ASAP1: variants seen among roughly 807,000 people sequenced by gnomAD.
ASAP1 encodes the protein arf-GAP with SH3 domain, ANK repeat and PH domain-containing protein 1.
Under a neutral mutation model 145.2 loss-of-function variants are expected in ASAP1, and 43 were observed. The ratio of observed to expected loss-of-function variants is 0.30; its 90% CI spans 0.23 to 0.38. The LOEUF is 0.38. ASAP1 is among the 10% of genes least tolerant of loss of function. ASAP1 has a pLI of 1.00. For synonymous variants in ASAP1, 546 were observed against 515.5 expected (o/e 1.06, Z -0.80); for missense variants, 1,018 against 1,355.3 (o/e 0.75, Z 3.91).
intron 5 of ASAP1, among the ~76,000 whole-genome samples, chr8:130,208,344 C>T (rs1006536591): frequency 6.6e-6 from 1 of 152,138 alleles, no homozygotes; most frequent in East Asian, 1.9e-4. Context: ...GTATAGATAA[C>T]TACAACAATC....
In ASAP1 at chr8:130,081,258, G is replaced by A. The variant is rs192225206; in HGVS notation, c.2573-1287C>T. 3.9e-5 allele frequency among the ~76,000 whole-genome samples: 6 copies of A among 152,284 alleles called. No homozygotes were observed. The East Asian group carries it at 9.7e-4, about 25-fold the overall frequency. On this transcript the variant is annotated intron_variant, in intron 25 of 29. Transcript: ENST00000518721. Reference sequence around the variant, plus strand: ...CAGAGGCACACAGGTGGAGGTAAGTGTGCTATGTCCAGGAGAGGGTCACAA... The same window carrying A: ...CAGAGGCACACAGGTGGAGGTAAGTATGCTATGTCCAGGAGAGGGTCACAA...
chr8:130,099,910 C>T (rs1592797716), intron 24 of ASAP1, among the ~76,000 whole-genome samples: 3 of 152,098 alleles, frequency 2.0e-5, no homozygotes, highest in South Asian at 4.1e-4. Flanking sequence ...CATCCATTCA[C>T]CTGCTGATGG....
At chr8:130,193,302 G>C (rs1815266778) in intron 5 of ASAP1, among the ~76,000 whole-genome samples, 1 of 152,034 alleles carries the variant, frequency 6.6e-6, no homozygotes, top group South Asian at 2.1e-4. Context: ...CTGGGAGGTG[G>C]AGGTTGCAGT....
intron 25 of ASAP1, among the ~76,000 whole-genome samples, chr8:130,081,038 G>A (rs2097478769): frequency 6.6e-6 from 1 of 152,188 alleles, no homozygotes; most frequent in Non-Finnish European, 1.5e-5. Flanking sequence ...TTATGCTCTG[G>A]CCTGTGAGAC....
intron 3 of ASAP1, among the ~76,000 whole-genome samples, chr8:130,244,116 C>T (rs941081204): frequency 2.0e-5 from 3 of 152,146 alleles, no homozygotes; most frequent in African/African-American, 7.2e-5. Context: ...CTGTTGTAAT[C>T]TTCAGATCCA....
At chr8:130,090,993 C>T (rs1000430015) in intron 25 of ASAP1, among the ~76,000 whole-genome samples, 1 of 152,176 alleles carries the variant, frequency 6.6e-6, no homozygotes, top group Admixed American at 6.5e-5. Context: ...CTGTCACGGG[C>T]CAAGACCCTG....
intron 8 of ASAP1, among the ~76,000 whole-genome samples, chr8:130,180,006 AAGAG>A (rs1196517344): frequency 2.1e-5 from 3 of 145,668 alleles, no homozygotes; most frequent in East Asian, 2.1e-4. Flanking sequence ...AGAGGTGAGA[AAGAG>A]AGAGAGAGAA....
intron 3 of ASAP1, among the ~76,000 whole-genome samples, chr8:130,296,668 G>A (rs1269002746): frequency 6.6e-6 from 1 of 151,806 alleles, no homozygotes; most frequent in African/African-American, 2.4e-5. Flanking sequence ...ACAGCTCTGT[G>A]CCACAGAATT....
chr8:130,208,274 T>C (rs896988155), intron 5 of ASAP1, among the ~76,000 whole-genome samples: 17 of 152,200 alleles, frequency 1.1e-4, no homozygotes, highest in African/African-American at 3.9e-4. Flanking sequence ...CCCCCCATTT[T>C]TGCATGCATT....
In ASAP1 at chr8:130,117,078, C is replaced by A. The variant is rs569482946; in HGVS notation, c.1881-83G>T. On this transcript the variant is annotated intron_variant, in intron 20 of 29. Transcript: ENST00000518721. ...GATTAGCCACTTATTTTTGTGCTGA[C>A]AACTGAGTCAAATTTGAGACCTAAT... 2.5e-4 allele frequency: 221 copies of A among 868,852 alleles called. 1 individual carries two copies. The highest frequency in any genetic ancestry group is 3.8e-4 in the Non-Finnish European group (213 of 565,640). The allele number at this position is 868,852 out of a possible 1,614,324, so 53.8% of individuals were successfully genotyped here. A position where few individuals can be genotyped will look rare whatever the true frequency, so the allele number is the denominator to read the frequency against.
chr8:130,068,885 T>C (rs2097435866), intron 27 of ASAP1, among the ~76,000 whole-genome samples: 1 of 152,184 alleles, frequency 6.6e-6, no homozygotes, highest in Admixed American at 6.5e-5. Context: ...AGAGGGCCCC[T>C]TCTACATGGG....
chr8:130,330,453 G>A (rs1824612493), intron 3 of ASAP1, among the ~76,000 whole-genome samples: 1 of 152,186 alleles, frequency 6.6e-6, no homozygotes, highest in African/African-American at 2.4e-5. Context: ...CAGCTAACCT[G>A]GCACCCCACA....
chr8:130,065,165 C>T (rs1324405641), intron 27 of ASAP1, among the ~76,000 whole-genome samples: 1 of 152,102 alleles, frequency 6.6e-6, no homozygotes, highest in African/African-American at 2.4e-5. Context: ...AGGTCTGAGC[C>T]TTCTCAGGGC....
intron 3 of ASAP1, among the ~76,000 whole-genome samples, chr8:130,324,932 G>A (rs1824232931): frequency 1.3e-5 from 2 of 152,102 alleles, no homozygotes; most frequent in Admixed American, 6.6e-5. Flanking sequence ...TCGTAACCCC[G>A]AGCTCTGCAA....
rs764860418 is a variant in ASAP1, at chr8:130,118,157, A to G, written c.1880+4T>C. ...TAATTCAACAGAGAAAACAAAAACG[A>G]TACCAGTTTTGTACAAGGAAGTCAA... On this transcript the variant is annotated splice_donor_region_variant and intron_variant, in intron 20 of 29. Coordinates refer to ENST00000518721, the MANE Select transcript of ASAP1 (RefSeq NM_018482.4). The G allele has an allele frequency of 2.5e-5, 40 of 1,612,558 alleles. No individual in the cohort carries two copies. Among genetic ancestry groups the G allele is most frequent in the Non-Finnish European group, 3.2e-5 (38 of 1,178,842 alleles).
Position 130,202,644 on chromosome 8 carries a change from T to A in ASAP1, c.405+11912A>T, listed in dbSNP as rs145179905. 5.0e-3 allele frequency among the ~76,000 whole-genome samples: 761 copies of A among 152,364 alleles called. 4 individuals are homozygous for A. The highest frequency in any genetic ancestry group is 7.6e-3 in the Non-Finnish European group (514 of 68,036). Reference sequence around the variant, plus strand: ...ACAGCGTTTCATGAATATCTCTTGATAATTTACGGCTCAGATAAAGGGTAC... The same window carrying A: ...ACAGCGTTTCATGAATATCTCTTGAAAATTTACGGCTCAGATAAAGGGTAC... On this transcript the variant is annotated intron_variant, in intron 5 of 29. Transcript: ENST00000518721.
At chr8:130,130,117 A>G (rs576724144) in intron 15 of ASAP1, among the ~76,000 whole-genome samples, 5 of 152,332 alleles carry the variant, frequency 3.3e-5, no homozygotes, top group African/African-American at 1.2e-4. Context: ...AAATACTTAC[A>G]ATTTTTAACA....
chr8:130,417,249 T>C (rs1423595991), intron 1 of ASAP1, among the ~76,000 whole-genome samples: 1 of 151,932 alleles, frequency 6.6e-6, no homozygotes, highest in Non-Finnish European at 1.5e-5. Flanking sequence ...CAGACAGATA[T>C]ACAACCCAAG....
At chr8:130,329,577 C>T (rs1355041381) in intron 3 of ASAP1, among the ~76,000 whole-genome samples, 1 of 152,182 alleles carries the variant, frequency 6.6e-6, no homozygotes, top group Non-Finnish European at 1.5e-5. Context: ...ACAAGTGATA[C>T]TGCTCTCCTC....
Sources: gnomAD v4.1 joint callset for allele counts (sites outside exome capture counted in the v4.1 genomes callset) on GRCh38, gnomAD v4.1.1 for gene constraint, MANE v1.5 for transcripts, NCBI Gene and HGNC (gene_info 2026-07-23, HGNC 2026-07-21) for gene names.